Variants in ASTN2 observed in about 807,000 individuals in gnomAD.
The protein encoded by ASTN2 is astrotactin-2.
A neutral mutation model predicts 139.8 loss-of-function variants in ASTN2; 54 were observed. The observed-to-expected ratio is 0.39, with a 90% CI of 0.31 to 0.48. ASTN2 has a LOEUF of 0.48. Ranked by LOEUF, ASTN2 falls within the 20% of genes least tolerant of loss-of-function variation. The pLI is 0.95. For synonymous variants in ASTN2, 756 were observed against 719.5 expected, an observed-to-expected ratio of 1.05 and a Z score of -0.81; for missense variants, 1,565 against 1,725.1, an observed-to-expected ratio of 0.91 and a Z score of 1.64.
chr9:116,548,289 T>C (rs1407104349), intron 19 of ASTN2, among the ~76,000 whole-genome samples: 4 of 152,124 alleles, frequency 2.6e-5, no homozygotes, highest in African/African-American at 9.7e-5. Context: ...GGGACAGAGA[T>C]GGCAGGAGGC....
At chr9:117,348,756 C>T (rs1332880215) in intron 1 of ASTN2, among the ~76,000 whole-genome samples, 1 of 151,996 alleles carries the variant, frequency 6.6e-6, no homozygotes, top group Non-Finnish European at 1.5e-5. Context: ...TTTATAAGTG[C>T]CAAACACTTT....
intron 16 of ASTN2, among the ~76,000 whole-genome samples, chr9:116,657,923 T>C (rs1421441620): frequency 1.3e-5 from 2 of 148,576 alleles, no homozygotes; most frequent in Non-Finnish European, 3.0e-5. Context: ...AGTCTTGCTG[T>C]ATCACCCAGA....
At chr9:117,042,141 A>T (rs979070479) in intron 5 of ASTN2, among the ~76,000 whole-genome samples, 3 of 152,224 alleles carry the variant, frequency 2.0e-5, no homozygotes, top group Non-Finnish European at 4.4e-5. Flanking sequence ...CTGACCAACC[A>T]AAAAGCATGC....
At position 116,932,769 on chromosome 9, in the gene ASTN2, G is replaced by A. The variant is rs555818652; in HGVS notation, c.1889+42439C>T. Among the ~76,000 whole-genome samples, 3 of 152,196 alleles carry A rather than the reference G, an allele frequency of 2.0e-5. No individual in the cohort carries two copies. The East Asian group carries it at 5.8e-4, about 30-fold the overall frequency. ...ACCTGTACTTCCAGCACTTTGAGAGGCCACGGCGGGTGGATCACTTGAGGT... is the reference window on the plus strand; with the variant it reads ...ACCTGTACTTCCAGCACTTTGAGAGACCACGGCGGGTGGATCACTTGAGGT... On this transcript the variant is annotated intron_variant, in intron 10 of 22. Transcript: ENST00000313400.
intron 10 of ASTN2, among the ~76,000 whole-genome samples, chr9:116,921,571 G>A (rs191555337): frequency 0.016 from 1,959 of 126,034 alleles, 24 homozygotes; most frequent in Non-Finnish European, 0.019. Flanking sequence ...CTGGGCGACC[G>A]AGCGAGACTC....
chr9:116,964,256 T>TGTGTGTGCGCGC (rs1491183340), intron 10 of ASTN2, among the ~76,000 whole-genome samples: 85 of 98,910 alleles, frequency 8.6e-4, no homozygotes, highest in African/African-American at 2.6e-3. Context: ...TGTGTGTGTG[T>TGTGTGTGCGCGC]GCGCGCGCGC....
chr9:117,347,053 T>C (rs180794101), intron 1 of ASTN2, among the ~76,000 whole-genome samples: 4 of 152,134 alleles, frequency 2.6e-5, no homozygotes, highest in African/African-American at 9.7e-5. Flanking sequence ...CTGCGGTGTG[T>C]GTTATCTGAG....
chr9:116,809,865 T>C (rs1291472907), intron 12 of ASTN2, among the ~76,000 whole-genome samples: 1 of 152,284 alleles, frequency 6.6e-6, no homozygotes, highest in Middle Eastern at 3.4e-3. Flanking sequence ...TGTCTTGCAG[T>C]TGGGCTGAAG....
chr9:116,633,478 T>A lies in ASTN2; in HGVS notation c.3073-13035A>T, dbSNP rs1012732415. 2.6e-5 allele frequency among the ~76,000 whole-genome samples: 4 copies of A among 152,178 alleles called. No individual in the cohort carries two copies. The East Asian group carries it at 7.7e-4, about 29-fold the overall frequency. ...AGTCCCACCCAAGAGACAAGACCTG[T>A]CTTCTAAGCCTGCTGTCCTTTGATA... On this transcript the variant is annotated intron_variant, in intron 17 of 22. Coordinates refer to ENST00000313400, the MANE Select transcript of ASTN2 (RefSeq NM_001365068.1).
intron 19 of ASTN2, among the ~76,000 whole-genome samples, chr9:116,555,028 T>C (rs1000821498): frequency 4.6e-5 from 7 of 152,150 alleles, no homozygotes; most frequent in African/African-American, 7.2e-5. Flanking sequence ...AACATTCTAA[T>C]GGAGATTAAA....
At chr9:116,555,873 C>A (rs112575623) in intron 19 of ASTN2, among the ~76,000 whole-genome samples, 1 of 152,230 alleles carries the variant, frequency 6.6e-6, no homozygotes, top group South Asian at 2.1e-4. Flanking sequence ...GGATAATTAG[C>A]GTCTTGGGTT....
intron 12 of ASTN2, among the ~76,000 whole-genome samples, chr9:116,812,295 T>C (rs1007359320): frequency 6.6e-6 from 1 of 152,170 alleles, no homozygotes; most frequent in Non-Finnish European, 1.5e-5. Flanking sequence ...AAGTAAAGAA[T>C]TTTGAGCTGG....
At chr9:117,198,037 T>G (rs1274231417) in intron 3 of ASTN2, among the ~76,000 whole-genome samples, 1 of 152,144 alleles carries the variant, frequency 6.6e-6, no homozygotes, top group Non-Finnish European at 1.5e-5. Flanking sequence ...GAATAAAATG[T>G]GCCTATGTAG....
chr9:116,898,273 G>A (rs1302466878), intron 10 of ASTN2, among the ~76,000 whole-genome samples: 1 of 152,000 alleles, frequency 6.6e-6, no homozygotes, highest in Non-Finnish European at 1.5e-5. Context: ...GCCAAGCATG[G>A]TGGTGTATGC....
chr9:116,512,882 G>T (rs939269493), intron 19 of ASTN2, among the ~76,000 whole-genome samples: 1 of 152,002 alleles, frequency 6.6e-6, no homozygotes, highest in Non-Finnish European at 1.5e-5. Context: ...TTTATTTTGA[G>T]CCTATGTGTG....
At chr9:117,079,056 A>AAG (rs1268501081) in intron 5 of ASTN2, among the ~76,000 whole-genome samples, 9 of 152,152 alleles carry the variant, frequency 5.9e-5, no homozygotes, top group African/African-American at 2.2e-4. Context: ...GTTGCTCCTG[A>AAG]AGAGCTTTTA....
chr9:116,942,536 T>G (rs1356202918), intron 10 of ASTN2, among the ~76,000 whole-genome samples: 1 of 152,182 alleles, frequency 6.6e-6, no homozygotes, highest in African/African-American at 2.4e-5. Context: ...TATCACCACT[T>G]GTATTTTAGG....
At chr9:117,406,874 AC>A (rs1831009173) in intron 1 of ASTN2, among the ~76,000 whole-genome samples, 1 of 140,642 alleles carries the variant, frequency 7.1e-6, no homozygotes, top group Non-Finnish European at 1.5e-5. Flanking sequence ...ACACACACAC[AC>A]ACACACACAC....
chr9:116,870,306 G>A (rs1276947919), intron 10 of ASTN2, among the ~76,000 whole-genome samples: 2 of 152,112 alleles, frequency 1.3e-5, no homozygotes, highest in African/African-American at 4.8e-5. Flanking sequence ...CTTCTCATCT[G>A]TAAAATGGGA....
Sources: allele counts gnomAD v4.1 joint callset (sites outside exome capture counted in the v4.1 genomes callset), GRCh38; gene constraint gnomAD v4.1.1; transcripts MANE v1.5; gene names NCBI Gene and HGNC (gene_info 2026-07-23, HGNC 2026-07-21).